The following FBXL17 variants were observed in gnomAD, a reference collection of about 807,000 sequenced individuals.
FBXL17 encodes F-box and leucine rich repeat protein 17, also known as F-box/LRR-repeat protein 17.
In FBXL17, 22 loss-of-function variants were observed where a neutral mutation model predicts 66.2. The observed-to-expected ratio is 0.33, with a 90% CI of 0.24 to 0.47. The LOEUF is 0.47. FBXL17 is among the 20% of genes least tolerant of loss of function. FBXL17 has a pLI of 1.00. For synonymous variants in FBXL17, 474 were observed against 400.5 expected, an observed-to-expected ratio of 1.18 and a Z score of -2.19; for missense variants, 878 against 948.2, an observed-to-expected ratio of 0.93 and a Z score of 0.97.
At chr5:107,909,214 TC>T (rs1749867360) in intron 7 of FBXL17, among the ~76,000 whole-genome samples, 2 of 152,132 alleles carry the variant, frequency 1.3e-5, no homozygotes, top group South Asian at 4.1e-4. Flanking sequence ...CATTATTAAC[TC>T]ATTTAAGTGG....
At chr5:107,869,757 T>C (rs190507231) in intron 8 of FBXL17, among the ~76,000 whole-genome samples, 1 of 152,306 alleles carries the variant, frequency 6.6e-6, no homozygotes, top group Admixed American at 6.5e-5. Context: ...TCTCACCTCT[T>C]TCTCTTCAGT....
intron 7 of FBXL17, among the ~76,000 whole-genome samples, chr5:107,960,594 G>A (rs896695190): frequency 2.6e-5 from 4 of 152,258 alleles, no homozygotes; most frequent in Admixed American, 2.0e-4. Context: ...AGATCATGCA[G>A]TATTTGTCTT....
intron 5 of FBXL17, among the ~76,000 whole-genome samples, chr5:108,208,612 G>A (rs1754229848): frequency 6.6e-6 from 1 of 152,150 alleles, no homozygotes; most frequent in Admixed American, 6.6e-5. Flanking sequence ...TCAAAGATCA[G>A]ATGGTTGTAG....
At chr5:108,079,228 G>T (rs1345043931) in intron 6 of FBXL17, among the ~76,000 whole-genome samples, 1 of 151,740 alleles carries the variant, frequency 6.6e-6, no homozygotes, top group Non-Finnish European at 1.5e-5. Flanking sequence ...GAAAAAGAAG[G>T]CCCCTATAAA....
At chr5:108,320,812 G>A (rs1379670659) in intron 4 of FBXL17, among the ~76,000 whole-genome samples, 1 of 151,672 alleles carries the variant, frequency 6.6e-6, no homozygotes, top group Non-Finnish European at 1.5e-5. Context: ...TATTTAAGTA[G>A]GTTATCTTCG....
chr5:108,025,314 G>A (rs1754759796), intron 6 of FBXL17, among the ~76,000 whole-genome samples: 3 of 152,094 alleles, frequency 2.0e-5, no homozygotes. Context: ...ATGTGGCTTG[G>A]TGAATTTCTA....
chr5:108,013,675 T>C (rs1489502981), intron 7 of FBXL17, among the ~76,000 whole-genome samples: 1 of 151,072 alleles, frequency 6.6e-6, no homozygotes, highest in Admixed American at 6.6e-5. Context: ...GCCAGTAGCA[T>C]GCACACACAG....
intron 4 of FBXL17, chr5:108,301,883 A>T (rs925588885): frequency 7.8e-6 from 2 of 255,688 alleles, no homozygotes; most frequent in Non-Finnish European, 1.2e-5. Flanking sequence ...ATGATTTTTA[A>T]CTCTGATAAC....
chr5:107,872,280 C>T lies in FBXL17; in HGVS notation c.1965+8757G>A, dbSNP rs180678406. ...GCTGAGCTCATCTGAATGTCCTGAT[C>T]CCCAGGGGCTTGCAGCTGCCGTCAC... On this transcript the variant is annotated intron_variant, in intron 8 of 8. Coordinates refer to ENST00000542267, the MANE Select transcript of FBXL17 (RefSeq NM_001163315.3). Among the ~76,000 whole-genome samples the T allele has an allele frequency of 1.5e-3, 234 of 152,308 alleles. 1 individual carries two copies. The highest frequency in any genetic ancestry group is 3.4e-3 in the Middle Eastern group (1 of 294).
chr5:108,147,676 T>G (rs1421243978), intron 6 of FBXL17, among the ~76,000 whole-genome samples: 8 of 152,162 alleles, frequency 5.3e-5, no homozygotes, highest in African/African-American at 1.9e-4. Context: ...TGACAAATGA[T>G]GAACACCAAT....
intron 7 of FBXL17, among the ~76,000 whole-genome samples, chr5:107,939,225 T>A: frequency 6.6e-6 from 1 of 152,272 alleles, no homozygotes; most frequent in Middle Eastern, 3.4e-3. Context: ...ACAAGTAATA[T>A]GTAGGTAAAA....
At chr5:108,081,735 A>T (rs1460146613) in intron 6 of FBXL17, among the ~76,000 whole-genome samples, 1 of 152,038 alleles carries the variant, frequency 6.6e-6, no homozygotes, top group Non-Finnish European at 1.5e-5. Flanking sequence ...AAAATAAATA[A>T]ATAAAAAATA....
At chr5:108,013,043 C>G (rs971105228) in intron 7 of FBXL17, among the ~76,000 whole-genome samples, 1 of 146,418 alleles carries the variant, frequency 6.8e-6, no homozygotes, top group Non-Finnish European at 1.5e-5. Flanking sequence ...AAAAAAGTAC[C>G]TATCTAAAGT....
intron 4 of FBXL17, among the ~76,000 whole-genome samples, chr5:108,233,155 C>T (rs2922433): frequency 0.45 from 67,739 of 151,562 alleles, 15,494 homozygotes; most frequent in Non-Finnish European, 0.5. Flanking sequence ...GAATAAACAC[C>T]CTTATCAGAT....
chr5:108,067,598 T>A (rs1470827203), intron 6 of FBXL17, among the ~76,000 whole-genome samples: 1 of 152,152 alleles, frequency 6.6e-6, no homozygotes, highest in Non-Finnish European at 1.5e-5. Context: ...GTCGTTTGTG[T>A]TTGTACATTT....
chr5:107,936,839 T>C (rs1331598787), intron 7 of FBXL17, among the ~76,000 whole-genome samples: 1 of 152,130 alleles, frequency 6.6e-6, no homozygotes, highest in Non-Finnish European at 1.5e-5. Flanking sequence ...AATGGTAAAC[T>C]CTCTGGATTA....
chr5:108,102,792 A>G (rs184701051), intron 6 of FBXL17, among the ~76,000 whole-genome samples: 24 of 152,344 alleles, frequency 1.6e-4, no homozygotes, highest in Non-Finnish European at 2.9e-4. Flanking sequence ...GTGTGTCATT[A>G]ATGTTTAACC....
chr5:108,209,934 T>C (rs751862592), intron 5 of FBXL17, among the ~76,000 whole-genome samples: 1 of 152,210 alleles, frequency 6.6e-6, no homozygotes, highest in Non-Finnish European at 1.5e-5. Context: ...TGAATCCGTC[T>C]GGTCCCAGAC....
chr5:107,966,684 TG>T, intron 7 of FBXL17, among the ~76,000 whole-genome samples: 1 of 152,230 alleles, frequency 6.6e-6, no homozygotes, highest in Non-Finnish European at 1.5e-5. Flanking sequence ...TGTGGTAAAA[TG>T]TATATAACAA....
Sources: allele counts gnomAD v4.1 joint callset (sites outside exome capture counted in the v4.1 genomes callset), GRCh38; gene constraint gnomAD v4.1.1; transcripts MANE v1.5; gene names NCBI Gene and HGNC (gene_info 2026-07-23, HGNC 2026-07-21).